The following CLCN4 variants were observed in gnomAD, a reference collection of about 807,000 sequenced individuals.
CLCN4 encodes Cl-/H+ antiporter 4.
A neutral mutation model predicts 41.7 loss-of-function variants in CLCN4; 1 was observed. The observed-to-expected ratio is 0.02, with a 90% CI of 0.01 to 0.11. CLCN4 has a LOEUF of 0.11. CLCN4 is among the 10% of genes least tolerant of loss of function. The pLI is 1.00. For missense variants in CLCN4, 287 were observed against 661.0 expected, an observed-to-expected ratio of 0.43 and a Z score of 6.20; for synonymous variants, 277 against 285.8, an observed-to-expected ratio of 0.97 and a Z score of 0.31.
At chrX:10,194,190 A>G (rs1924038491) in intron 4 of CLCN4, among the ~76,000 whole-genome samples, 4 of 110,483 alleles carry the variant, frequency 3.6e-5, no homozygotes, top group African/African-American at 1.3e-4. Flanking sequence ...TCCTGTAATA[A>G]TGATGCAGTG....
intron 2 of CLCN4, among the ~76,000 whole-genome samples, chrX:10,174,304 T>C (rs1191080391): frequency 1.8e-5 from 2 of 112,109 alleles, no homozygotes; most frequent in African/African-American, 6.5e-5. Context: ...ATTGGCCAGA[T>C]TGGGTTCTGT....
chrX:10,171,930 C>T (rs1210622955), intron 2 of CLCN4, among the ~76,000 whole-genome samples: 1 of 111,762 alleles, frequency 8.9e-6, no homozygotes, highest in Non-Finnish European at 1.9e-5. Context: ...GCCTAGCACA[C>T]ATCAAAATTC....
At chrX:10,222,744 C>T (rs1924890976) in intron 12 of CLCN4, among the ~76,000 whole-genome samples, 1 of 111,733 alleles carries the variant, frequency 8.9e-6, no homozygotes, top group East Asian at 2.8e-4. Flanking sequence ...CCTATTCATT[C>T]CACTTTCTTC....
intron 11 of CLCN4, among the ~76,000 whole-genome samples, chrX:10,215,457 C>T (rs1001799283): frequency 1.3e-4 from 14 of 111,590 alleles, no homozygotes; most frequent in Admixed American, 9.5e-5. Flanking sequence ...CTTAAGTGTT[C>T]GGCGATGCTT....
intron 12 of CLCN4, among the ~76,000 whole-genome samples, chrX:10,229,541 C>A (rs1301532263): frequency 9.2e-6 from 1 of 108,863 alleles, no homozygotes; most frequent in African/African-American, 3.4e-5. Context: ...CTATCCCTCC[C>A]CCGTCCCCCC....
intron 2 of CLCN4, among the ~76,000 whole-genome samples, chrX:10,178,869 C>T (rs760403824): frequency 8.9e-6 from 1 of 112,037 alleles, no homozygotes; most frequent in South Asian, 3.6e-4. Context: ...AAAACAAAAA[C>T]ATTAAAAAAG....
Position 10,220,743 on chromosome X carries a change from C to T in CLCN4, c.2058C>T (p.Asn686=), listed in dbSNP as rs2147187632. ...FTEEPPELPA[N]SPHPLKLRRI... ...AGGAACCCCCCGAGCTGCCGGCCAA[C>T]AGCCCACATCCCCTGAAGCTGCGGC... Residue 686 remains asparagine (N), a synonymous_variant, in exon 12 of 13, where the codon AAC becomes AAT. Coordinates refer to ENST00000380833, the MANE Select transcript of CLCN4 (RefSeq NM_001830.4). 1.7e-6 allele frequency: 2 copies of T among 1,211,822 alleles called. No homozygotes were observed. Among genetic ancestry groups the T allele is most frequent in the Non-Finnish European group, 1.1e-6 (1 of 895,344 alleles).
At chrX:10,224,330 G>GTA (rs1265499518) in intron 12 of CLCN4, among the ~76,000 whole-genome samples, 8 of 104,161 alleles carry the variant, frequency 7.7e-5, no homozygotes, top group Non-Finnish European at 1.6e-4. Context: ...GTGTGTGTGT[G>GTA]TGTATGTGAG....
At chrX:10,184,081 T>G (rs1257331447) in intron 2 of CLCN4, among the ~76,000 whole-genome samples, 1 of 112,311 alleles carries the variant, frequency 8.9e-6, no homozygotes, top group Non-Finnish European at 1.9e-5. Flanking sequence ...ACATTTTGAA[T>G]ATCCATGATG....
chrX:10,178,872 TAAA>T (rs1054023937), intron 2 of CLCN4, among the ~76,000 whole-genome samples: 1 of 112,065 alleles, frequency 8.9e-6, no homozygotes, highest in Non-Finnish European at 1.9e-5. Flanking sequence ...ACAAAAACAT[TAAA>T]AAAGACTTCA....
At chrX:10,178,907 T>C (rs1923603082) in intron 2 of CLCN4, among the ~76,000 whole-genome samples, 1 of 112,454 alleles carries the variant, frequency 8.9e-6, no homozygotes, top group East Asian at 2.8e-4. Flanking sequence ...TAGGTTGCTT[T>C]TTATATATAG....
rs763133718 is a variant in CLCN4, at chrX:10,191,844, T to C, written c.245-3067T>C. On this transcript the variant is annotated intron_variant, in intron 4 of 12. Coordinates refer to ENST00000380833, the MANE Select transcript of CLCN4 (RefSeq NM_001830.4). Reference sequence around the variant, plus strand: ...CATAAGCCACTGCGCCTGGCCCTTATACTTTTTAACAGAGCCTTTAATATA... The same window carrying C: ...CATAAGCCACTGCGCCTGGCCCTTACACTTTTTAACAGAGCCTTTAATATA... Among the ~76,000 whole-genome samples, 11 of 108,849 alleles carry C rather than the reference T, an allele frequency of 1.0e-4. No homozygotes were observed. In the East Asian group the frequency reaches 2.9e-3, roughly 28 times the overall value. 94.5% of individuals were successfully genotyped at this position (108,849 alleles called of 115,157 possible).
At chrX:10,221,375 G>A (rs889478395) in intron 12 of CLCN4, among the ~76,000 whole-genome samples, 7 of 111,909 alleles carry the variant, frequency 6.3e-5, no homozygotes, top group East Asian at 2.8e-4. Context: ...TGGTAGTACC[G>A]AGCCAGGTGC....
intron 5 of CLCN4, among the ~76,000 whole-genome samples, chrX:10,197,230 G>C (rs925897252): frequency 7.1e-5 from 8 of 112,435 alleles, no homozygotes; most frequent in Non-Finnish European, 1.1e-4. Flanking sequence ...AGATAATTTG[G>C]AATAAATGGT....
chrX:10,207,076 C>T (rs1420297392), intron 8 of CLCN4, among the ~76,000 whole-genome samples: 9 of 110,572 alleles, frequency 8.1e-5, no homozygotes, highest in Non-Finnish European at 1.3e-4. Context: ...CACGCCACCA[C>T]GCCTGGCTCA....
At chrX:10,174,976 G>A (rs377490595) in intron 2 of CLCN4, among the ~76,000 whole-genome samples, 2 of 112,312 alleles carry the variant, frequency 1.8e-5, no homozygotes, top group East Asian at 2.8e-4. Flanking sequence ...TGATGTAAAC[G>A]GGATCACACA....
At chrX:10,170,838 G>A (rs759827894) in intron 2 of CLCN4, among the ~76,000 whole-genome samples, 2 of 112,625 alleles carry the variant, frequency 1.8e-5, no homozygotes, top group Non-Finnish European at 3.8e-5. Flanking sequence ...GGACCCTTTT[G>A]TTAGGGGACT....
At chrX:10,187,216 G>A (rs1241147588) in intron 3 of CLCN4, among the ~76,000 whole-genome samples, 1 of 112,303 alleles carries the variant, frequency 8.9e-6, no homozygotes, top group Non-Finnish European at 1.9e-5. Flanking sequence ...CTTCAGCATA[G>A]CTTTTAAATC....
chrX:10,171,039 C>G (rs1392258719), intron 2 of CLCN4, among the ~76,000 whole-genome samples: 1 of 111,697 alleles, frequency 9.0e-6, no homozygotes, highest in Non-Finnish European at 1.9e-5. Flanking sequence ...AGGTGCCCAC[C>G]ACCATGCTTG....
Sources: allele counts gnomAD v4.1 joint callset (sites outside exome capture counted in the v4.1 genomes callset), GRCh38; gene constraint gnomAD v4.1.1; transcripts MANE v1.5; gene names NCBI Gene and HGNC (gene_info 2026-07-23, HGNC 2026-07-21).